Variants in CHCHD3 observed in about 807,000 individuals in gnomAD.
CHCHD3 encodes MICOS complex subunit MIC19.
Under a neutral mutation model 38.2 loss-of-function variants are expected in CHCHD3, and 20 were observed. That is an observed-to-expected ratio of 0.52 (90% CI 0.37 to 0.76). The LOEUF (loss-of-function observed/expected upper bound fraction) is 0.76, where lower values mean the gene tolerates loss of function less well. CHCHD3 is among the 30% of genes least tolerant of loss of function. CHCHD3 has a pLI of 0.00. For missense variants in CHCHD3, 245 were observed against 279.2 expected (o/e 0.88, Z 0.87); for synonymous variants, 82 against 100.0 (o/e 0.82, Z 1.07).
At chr7:132,787,208 C>CGGACGCCAGA (rs1188374044) in intron 7 of CHCHD3, among the ~76,000 whole-genome samples, 2 of 152,118 alleles carry the variant, frequency 1.3e-5, no homozygotes, top group African/African-American at 2.4e-5. Flanking sequence ...GGGCCCAGGA[C>CGGACGCCAGA]GGACGCCAGG....
Position 132,990,909 on chromosome 7 carries a change from G to A in CHCHD3, c.252-15623C>T, listed in dbSNP as rs921258660. The stretch of plus-strand genomic sequence containing the variant: ...AGCTTCTCAGATGTGGAGCTGAGAG[G>A]TGGATGTGAGTGGCCTTTCTGCTCC... On this transcript the variant is annotated intron_variant, in intron 3 of 7. Coordinates refer to ENST00000262570, the MANE Select transcript of CHCHD3 (RefSeq NM_017812.4). Among the ~76,000 whole-genome samples, 3 of 149,782 alleles carry A rather than the reference G, an allele frequency of 2.0e-5. No homozygotes were observed. In the South Asian group the frequency reaches 6.3e-4, roughly 31 times the overall value.
intron 4 of CHCHD3, among the ~76,000 whole-genome samples, chr7:132,903,810 A>G (rs1342229839): frequency 6.6e-6 from 1 of 152,262 alleles, no homozygotes; most frequent in Non-Finnish European, 1.5e-5. Flanking sequence ...CTTCGCAAGT[A>G]TTCGAACTGA....
intron 3 of CHCHD3, among the ~76,000 whole-genome samples, chr7:132,983,204 C>G (rs1258140011): frequency 6.6e-6 from 1 of 151,948 alleles, no homozygotes; most frequent in Admixed American, 6.6e-5. Context: ...CACCTGTAAT[C>G]CCAGCTACTC....
At chr7:132,980,668 C>A (rs749383195) in intron 3 of CHCHD3, among the ~76,000 whole-genome samples, 1 of 152,112 alleles carries the variant, frequency 6.6e-6, no homozygotes, top group Non-Finnish European at 1.5e-5. Flanking sequence ...GTCAATCAGG[C>A]GAGGGACTTA....
At chr7:133,045,244 A>G (rs906627231) in intron 2 of CHCHD3, among the ~76,000 whole-genome samples, 37 of 152,222 alleles carry the variant, frequency 2.4e-4, no homozygotes, top group African/African-American at 8.4e-4. Flanking sequence ...AATACACTTA[A>G]GCTGTCAGGC....
chr7:133,018,536 C>T (rs989581901), intron 3 of CHCHD3, among the ~76,000 whole-genome samples: 2 of 152,010 alleles, frequency 1.3e-5, no homozygotes, highest in African/African-American at 4.8e-5. Context: ...TAATTACTTA[C>T]ACCTAGAAAT....
intron 2 of CHCHD3, among the ~76,000 whole-genome samples, chr7:133,038,663 A>T (rs1478015661): frequency 6.6e-6 from 1 of 152,214 alleles, no homozygotes; most frequent in African/African-American, 2.4e-5. Flanking sequence ...GCTGAGGTTA[A>T]GCTAAGTCAG....
chr7:132,851,114 T>C (rs979185392), intron 5 of CHCHD3, among the ~76,000 whole-genome samples: 2 of 152,184 alleles, frequency 1.3e-5, no homozygotes, highest in Non-Finnish European at 2.9e-5. Flanking sequence ...TTTTATAAAA[T>C]GATAAGCAAA....
chr7:132,995,658 G>C (rs1317239962), intron 3 of CHCHD3, among the ~76,000 whole-genome samples: 1 of 152,194 alleles, frequency 6.6e-6, no homozygotes, highest in African/African-American at 2.4e-5. Context: ...TGGCCGGCAG[G>C]AGACAGAGCG....
At chr7:132,922,562 T>C (rs1305008914) in intron 4 of CHCHD3, among the ~76,000 whole-genome samples, 1 of 91,640 alleles carries the variant, frequency 1.1e-5, no homozygotes, top group Admixed American at 1.1e-4. Flanking sequence ...TCTCTATACT[T>C]TTTTTTTTTT....
chr7:132,990,951 TACACACACACACACACACAC>T (rs768136991), intron 3 of CHCHD3, among the ~76,000 whole-genome samples: 3 of 143,692 alleles, frequency 2.1e-5, no homozygotes, highest in African/African-American at 8.0e-5. Context: ...CAGACACACA[TACACACACACACACACACAC>T]ACACACACAC....
At chr7:133,067,669 G>A (rs899621217) in intron 2 of CHCHD3, among the ~76,000 whole-genome samples, 6 of 152,184 alleles carry the variant, frequency 3.9e-5, no homozygotes, top group African/African-American at 7.2e-5. Flanking sequence ...GTTTCTGCAC[G>A]ACAAGGCATC....
At chr7:132,893,324 T>C (rs1809415861) in intron 4 of CHCHD3, among the ~76,000 whole-genome samples, 1 of 152,154 alleles carries the variant, frequency 6.6e-6, no homozygotes. Flanking sequence ...AGCCTCCTTA[T>C]TTTGGCCAAT....
chr7:132,826,536 A>G (rs1190389011), intron 6 of CHCHD3, among the ~76,000 whole-genome samples: 2 of 152,124 alleles, frequency 1.3e-5, no homozygotes, highest in African/African-American at 4.8e-5. Flanking sequence ...AGACATACAC[A>G]CTCACAAAAG....
intron 4 of CHCHD3, among the ~76,000 whole-genome samples, chr7:132,931,838 C>T (rs1810522594): frequency 6.6e-6 from 1 of 152,112 alleles, no homozygotes; most frequent in African/African-American, 2.4e-5. Flanking sequence ...CCCCGACACA[C>T]ACATTTAACA....
At chr7:132,897,356 C>T (rs1809525984) in intron 4 of CHCHD3, among the ~76,000 whole-genome samples, 1 of 151,748 alleles carries the variant, frequency 6.6e-6, no homozygotes, top group Non-Finnish European at 1.5e-5. Flanking sequence ...TTTCTTTGTA[C>T]TAACTTGTAT....
chr7:132,798,995 T>C (rs1457817948), intron 6 of CHCHD3, among the ~76,000 whole-genome samples: 2 of 150,108 alleles, frequency 1.3e-5, no homozygotes, highest in Admixed American at 6.7e-5. Flanking sequence ...ATTTCCTGTT[T>C]GGTGATCTGT....
At chr7:132,875,070 GT>G (rs758534783) in intron 5 of CHCHD3, among the ~76,000 whole-genome samples, 1 of 152,100 alleles carries the variant, frequency 6.6e-6, no homozygotes, top group Non-Finnish European at 1.5e-5. Flanking sequence ...TAAAAAAAAT[GT>G]AGGTACTAGC....
intron 2 of CHCHD3, among the ~76,000 whole-genome samples, chr7:133,049,635 G>A (rs565102044): frequency 6.6e-6 from 1 of 152,154 alleles, no homozygotes; most frequent in African/African-American, 2.4e-5. Context: ...GAGAAGCAAA[G>A]TATGTTTGAA....
Sources: allele counts gnomAD v4.1 joint callset (sites outside exome capture counted in the v4.1 genomes callset), GRCh38; gene constraint gnomAD v4.1.1; transcripts MANE v1.5; gene names NCBI Gene and HGNC (gene_info 2026-07-23, HGNC 2026-07-21).